REDIC1: variants seen among roughly 807,000 people sequenced by gnomAD.
The protein encoded by REDIC1 is HEI10 Interacting Protein 1.
the REDIC1 span, among the ~76,000 whole-genome samples, chr12:39,752,787 T>C: frequency 3.4e-3 from 514 of 152,304 alleles, 7 homozygotes; most frequent in African/African-American, 0.012. Context: ...GTAACTTGCA[T>C]GTAAATCCAG....
the REDIC1 span, among the ~76,000 whole-genome samples, chr12:39,639,845 T>G: frequency 2.0e-5 from 3 of 152,114 alleles, no homozygotes; most frequent in South Asian, 6.2e-4. Flanking sequence ...GTCATTTTAC[T>G]TATTCTTACA....
the REDIC1 span, among the ~76,000 whole-genome samples, chr12:39,698,052 G>T: frequency 6.6e-6 from 1 of 152,154 alleles, no homozygotes. Flanking sequence ...AGAAAATAAA[G>T]GGATGGAAAA....
the REDIC1 span, among the ~76,000 whole-genome samples, chr12:39,776,451 G>A: frequency 1.3e-5 from 2 of 152,172 alleles, no homozygotes; most frequent in Admixed American, 1.3e-4. Context: ...CTTGGCAAGG[G>A]GTGGGTGCTG....
the REDIC1 span, among the ~76,000 whole-genome samples, chr12:39,840,164 T>C: frequency 1.4e-3 from 210 of 152,190 alleles, no homozygotes; most frequent in South Asian, 8.1e-3. Context: ...CCTGAGTAGC[T>C]GGGATTACAG....
At chr12:39,743,181 C>G in the REDIC1 span, among the ~76,000 whole-genome samples, 1 of 152,134 alleles carries the variant, frequency 6.6e-6, no homozygotes, top group African/African-American at 2.4e-5. Context: ...TTTATCACAG[C>G]CTAACTTACT....
At chr12:39,850,554 A>G in the REDIC1 span, among the ~76,000 whole-genome samples, 1 of 152,336 alleles carries the variant, frequency 6.6e-6, no homozygotes, top group Non-Finnish European at 1.5e-5. Flanking sequence ...AAGTTATATG[A>G]ACATGAAAAT....
the REDIC1 span, among the ~76,000 whole-genome samples, chr12:39,851,476 A>T: frequency 1.3e-5 from 2 of 152,298 alleles, no homozygotes; most frequent in Admixed American, 1.3e-4. Context: ...TTTTTAGTGT[A>T]AAGGTTAGTG....
At chr12:39,643,812 A>G in the REDIC1 span, 21 of 1,552,596 alleles carry the variant, frequency 1.4e-5, no homozygotes, top group Non-Finnish European at 8.0e-6. Flanking sequence ...AAAATCAAAA[A>G]TGAAATCACT....
chr12:39,855,961 T>G, the REDIC1 span, among the ~76,000 whole-genome samples: 1 of 152,334 alleles, frequency 6.6e-6, no homozygotes, highest in Middle Eastern at 3.4e-3. Flanking sequence ...GTGACCTGTT[T>G]TATGCCCAGA....
At chr12:39,875,387 T>C in the REDIC1 span, among the ~76,000 whole-genome samples, 4 of 152,224 alleles carry the variant, frequency 2.6e-5, no homozygotes, top group Admixed American at 6.5e-5. Context: ...CTTGTGACTA[T>C]ATTGGCTCCA....
chr12:39,850,931 G>C, the REDIC1 span, among the ~76,000 whole-genome samples: 1 of 147,846 alleles, frequency 6.8e-6, no homozygotes, highest in South Asian at 2.1e-4. Context: ...ATGGAGTCTT[G>C]CTTTGTTGCC....
chr12:39,720,644 C>T, the REDIC1 span: 1 of 692,962 alleles, frequency 1.4e-6, no homozygotes. Context: ...GATATACCTG[C>T]TTTGATTTGT....
the REDIC1 span, among the ~76,000 whole-genome samples, chr12:39,899,274 T>G: frequency 6.6e-6 from 1 of 152,152 alleles, no homozygotes; most frequent in African/African-American, 2.4e-5. Context: ...TGCGTAGAGG[T>G]GTTTGCAGTA....
At chr12:39,676,282 A>G in the REDIC1 span, among the ~76,000 whole-genome samples, 1 of 152,288 alleles carries the variant, frequency 6.6e-6, no homozygotes, top group East Asian at 1.9e-4. Flanking sequence ...TAAGTGAAAG[A>G]TGCACTTAGA....
At chr12:39,627,150 C>G in the REDIC1 span, among the ~76,000 whole-genome samples, 2 of 152,262 alleles carry the variant, frequency 1.3e-5, no homozygotes, top group African/African-American at 4.8e-5. Flanking sequence ...CGTTTGAATT[C>G]TAAAGAATTT....
chr12:39,631,835 G>T, the REDIC1 span, among the ~76,000 whole-genome samples: 12 of 152,040 alleles, frequency 7.9e-5, no homozygotes. Flanking sequence ...TTTATGAAGA[G>T]AATTTAAATA....
At chr12:39,789,801 C>A in the REDIC1 span, among the ~76,000 whole-genome samples, 2 of 152,148 alleles carry the variant, frequency 1.3e-5, no homozygotes, top group African/African-American at 4.8e-5. Context: ...AGAGCTTGAG[C>A]CCCCATTTCA....
At chr12:39,849,650 A>G in the REDIC1 span, among the ~76,000 whole-genome samples, 2 of 152,128 alleles carry the variant, frequency 1.3e-5, no homozygotes, top group African/African-American at 4.8e-5. Context: ...TGTTGCTCCA[A>G]TTTCTCTCTG....
chr12:39,707,558 C>A, the REDIC1 span, among the ~76,000 whole-genome samples: 1 of 151,820 alleles, frequency 6.6e-6, no homozygotes, highest in Non-Finnish European at 1.5e-5. Context: ...ATCTCCACTC[C>A]CATGTTTGTT....
Sources: allele counts gnomAD v4.1 joint callset (sites outside exome capture counted in the v4.1 genomes callset), GRCh38; gene constraint gnomAD v4.1.1; transcripts MANE v1.5; gene names NCBI Gene and HGNC (gene_info 2026-07-23, HGNC 2026-07-21).